The following NIPSNAP2 variants were observed in gnomAD, a reference collection of about 807,000 sequenced individuals.
NIPSNAP2 encodes nipsnap homolog 2.
In NIPSNAP2, 42 loss-of-function variants were observed where a neutral mutation model predicts 48.4. That is an observed-to-expected ratio of 0.87 (90% CI 0.68 to 1.12). The LOEUF is 1.12. Among genes scored for constraint, NIPSNAP2 ranks in the 50% most tolerant of loss-of-function variants. The probability of loss-of-function intolerance (pLI) is 0.00; values close to 1 mark genes in which losing one functional copy is unlikely to be tolerated. For missense variants in NIPSNAP2, 314 were observed against 347.3 expected (o/e 0.90, Z 0.76); for synonymous variants, 158 against 126.6 (o/e 1.25, Z -1.67).
intron 7 of NIPSNAP2, among the ~76,000 whole-genome samples, chr7:55,985,339 TC>T (rs1787303386): frequency 6.6e-6 from 1 of 152,194 alleles, no homozygotes; most frequent in Non-Finnish European, 1.5e-5. Flanking sequence ...AATGGTTTCT[TC>T]TTTTTTTCCT....
chr7:55,994,412 T>C (rs543743854), intron 7 of NIPSNAP2, among the ~76,000 whole-genome samples: 1 of 152,222 alleles, frequency 6.6e-6, no homozygotes, highest in African/African-American at 2.4e-5. Flanking sequence ...ACATTTCATA[T>C]ACATTAAAAT....
Position 55,964,672 on chromosome 7 carries a change from G to C in NIPSNAP2, c.63G>C (p.Ala21=). The C allele has an allele frequency of 2.7e-6, 3 of 1,120,870 alleles. No homozygotes were observed. The highest frequency in any genetic ancestry group is 3.3e-6 in the Non-Finnish European group (3 of 917,138). 69.4% of individuals were successfully genotyped at this position (1,120,870 alleles called of 1,614,324 possible). Residue 21 remains alanine, a synonymous_variant, in exon 1 of 10, where the codon GCG becomes GCC. Transcript: ENST00000322090. ...GGGCCGGCGGCCTCCTGCAGCGGGCGGCCCCCTGCAGCCTCCTGCCCAGGC... is the reference window on the plus strand; with the variant it reads ...GGGCCGGCGGCCTCCTGCAGCGGGCCGCCCCCTGCAGCCTCCTGCCCAGGC... The part of the protein sequence containing the change: ...AAWAGGLLQR[A]APCSLLPRLR...
At position 55,983,747 on chromosome 7, in the gene NIPSNAP2, A is replaced by T; in HGVS notation, c.464A>T (p.Lys155Met). ...TCAAAGGAATTTTTGGAATTTCGTA[A>T]GGCAAGAAGTGACATGCTTCTCTCC... ...RENKEFLEFR[K>M]ARSDMLLSRK... Residue 155 changes from lysine to methionine, a missense_variant, in exon 6 of 10, where the codon AAG (lysine) becomes ATG (methionine). Coordinates refer to ENST00000322090, the MANE Select transcript of NIPSNAP2 (RefSeq NM_001483.3). 1 of 1,613,314 alleles carries T rather than the reference A, an allele frequency of 6.2e-7. No homozygotes were observed. Among genetic ancestry groups the T allele is most frequent in the Non-Finnish European group, 8.5e-7 (1 of 1,179,818 alleles).
At chr7:55,996,348 T>C (rs1485436750) in intron 8 of NIPSNAP2, among the ~76,000 whole-genome samples, 1 of 151,662 alleles carries the variant, frequency 6.6e-6, no homozygotes, top group East Asian at 1.9e-4. Context: ...AATTGTACCA[T>C]GACACAGGTG....
At chr7:55,969,396 C>T (rs1786966662) in intron 1 of NIPSNAP2, among the ~76,000 whole-genome samples, 1 of 152,172 alleles carries the variant, frequency 6.6e-6, no homozygotes, top group African/African-American at 2.4e-5. Context: ...CTTTGGCCTT[C>T]ACTGGTTCTG....
rs1224438698 is a variant in NIPSNAP2 at position 55,995,003 on chromosome 7, C to CT, written c.712+19dup. 4 of 1,602,286 alleles carry CT rather than the reference C, an allele frequency of 2.5e-6. No individual in the cohort carries two copies. The highest frequency in any genetic ancestry group is 3.4e-6 in the Non-Finnish European group (4 of 1,169,342). On this transcript the variant is annotated intron_variant, in intron 8 of 9. Coordinates refer to ENST00000322090, the MANE Select transcript of NIPSNAP2 (RefSeq NM_001483.3). The stretch of plus-strand genomic sequence containing the variant: ...CCATCTTTGGGGTATCTGTTTTTCC[C>CT]TTTTCGAGTTACTGGGATTTAAGAG...
chr7:55,981,669 C>A, intron 4 of NIPSNAP2, 102 bp downstream of exon 4: 1 of 682,828 alleles, frequency 1.5e-6, no homozygotes, highest in Non-Finnish European at 2.5e-6. Context: ...CAAAGCTTTC[C>A]AAGTCTCAGT....
Position 55,981,497 on chromosome 7 carries a change from C to T in NIPSNAP2, c.303C>T (p.His101=), listed in dbSNP as rs757940915. ...KICQEVLPKI[H]EDKHYPCTLV... is the part of the protein sequence containing the mutation. The stretch of plus-strand genomic sequence containing the variant: ...GTCAAGAGGTGTTGCCAAAGATTCA[C>T]GAAGATAAACACTACCCTTGTACTT... Residue 101 remains histidine (H), a synonymous_variant, in exon 4 of 10, where the codon CAC becomes CAT. Transcript: ENST00000322090. 2.4e-5 allele frequency: 38 copies of T among 1,613,568 alleles called. No homozygotes were observed. The highest frequency in any genetic ancestry group is 1.2e-4 in the Admixed American group (7 of 59,958).
chr7:55,983,934 C>T, intron 6 of NIPSNAP2, 66 bp downstream of exon 6: 1 of 1,449,366 alleles, frequency 6.9e-7, no homozygotes, highest in Admixed American at 1.8e-5. Context: ...TTTTGTAAGG[C>T]TGACAACAGA....
Position 55,984,845 on chromosome 7 carries a change from A to T in NIPSNAP2, c.586-2A>T. The T allele has an allele frequency of 6.2e-7, 1 of 1,608,970 alleles. No homozygotes were observed. The highest frequency in any genetic ancestry group is 8.5e-7 in the Non-Finnish European group (1 of 1,178,262). Reference sequence around the variant, plus strand: ...ACAAACCAAATCTAAATCTGTTTTCAGCCAGGAACCATGATTGAATGGGGC... The same window carrying T: ...ACAAACCAAATCTAAATCTGTTTTCTGCCAGGAACCATGATTGAATGGGGC... On this transcript the variant is annotated splice_acceptor_variant, in intron 6 of 9. Coordinates refer to ENST00000322090, the MANE Select transcript of NIPSNAP2 (RefSeq NM_001483.3). LOFTEE classifies it high-confidence loss of function.
chr7:55,967,525 G>A (rs1001470383), intron 1 of NIPSNAP2, among the ~76,000 whole-genome samples: 2 of 151,442 alleles, frequency 1.3e-5, no homozygotes, highest in Non-Finnish European at 2.9e-5. Flanking sequence ...GGAGTTTAAT[G>A]GCATGACCAC....
chr7:55,988,838 C>G (rs1787385751), intron 7 of NIPSNAP2, among the ~76,000 whole-genome samples: 1 of 151,910 alleles, frequency 6.6e-6, no homozygotes, highest in Non-Finnish European at 1.5e-5. Context: ...GCACTCCAGC[C>G]TGGGTGACAG....
chr7:55,991,010 C>G (rs373256625), intron 7 of NIPSNAP2, among the ~76,000 whole-genome samples: 1 of 151,896 alleles, frequency 6.6e-6, no homozygotes, highest in Non-Finnish European at 1.5e-5. Context: ...AGGCTGATCT[C>G]GAACTTCTGA....
At chr7:55,976,439 T>G (rs1319176553) in intron 1 of NIPSNAP2, among the ~76,000 whole-genome samples, 2 of 152,236 alleles carry the variant, frequency 1.3e-5, no homozygotes, top group Non-Finnish European at 2.9e-5. Context: ...TAAATATAGC[T>G]GGCCGTAGGA....
chr7:55,985,066 T>G (rs1476962914), intron 7 of NIPSNAP2, among the ~76,000 whole-genome samples, 188 bp downstream of exon 7: 1 of 152,218 alleles, frequency 6.6e-6, no homozygotes, highest in Non-Finnish European at 1.5e-5. Flanking sequence ...GGGGCTCCCC[T>G]TCCACATCCA....
At chr7:55,998,491 C>CTTTT (rs1406658343) in intron 9 of NIPSNAP2, among the ~76,000 whole-genome samples, 93 of 79,762 alleles carry the variant, frequency 1.2e-3, no homozygotes, top group Non-Finnish European at 2.1e-3. Context: ...CAGGTAGGAT[C>CTTTT]TGTTTTTTTT....
intron 3 of NIPSNAP2, 41 bp from the exon 4 acceptor site, chr7:55,981,432 T>G: frequency 1.3e-6 from 2 of 1,489,836 alleles, no homozygotes; most frequent in Non-Finnish European, 1.9e-6. Context: ...GGTCAAATTT[T>G]GCTGGTTGTT....
At chr7:55,974,583 T>A (rs1787072026) in intron 1 of NIPSNAP2, among the ~76,000 whole-genome samples, 1 of 152,052 alleles carries the variant, frequency 6.6e-6, no homozygotes, top group African/African-American at 2.4e-5. Context: ...GCGCAGTGGC[T>A]CACGCCTGTA....
intron 1 of NIPSNAP2, among the ~76,000 whole-genome samples, chr7:55,965,886 T>G (rs1179055674): frequency 6.6e-6 from 1 of 152,194 alleles, no homozygotes; most frequent in African/African-American, 2.4e-5. Flanking sequence ...CGGCCTGATC[T>G]TTTTAAAAAG....
Sources: gnomAD v4.1 joint callset for allele counts (sites outside exome capture counted in the v4.1 genomes callset) on GRCh38, gnomAD v4.1.1 for gene constraint, MANE v1.5 for transcripts, NCBI Gene and HGNC (gene_info 2026-07-23, HGNC 2026-07-21) for gene names.